IRF8: variants seen among roughly 807,000 people sequenced by gnomAD.
IRF8 encodes interferon consensus sequence binding protein 1.
A neutral mutation model predicts 48.7 loss-of-function variants in IRF8; 14 were observed. The observed-to-expected ratio is 0.29, with a 90% CI of 0.19 to 0.45. The LOEUF is 0.45. IRF8 is among the 20% of genes least tolerant of loss of function. IRF8 has a pLI of 1.00. For missense variants in IRF8, 493 were observed against 580.7 expected, an observed-to-expected ratio of 0.85 and a Z score of 1.55; for synonymous variants, 278 against 227.3, an observed-to-expected ratio of 1.22 and a Z score of -2.01.
intron 1 of IRF8, among the ~76,000 whole-genome samples, chr16:85,899,677 G>T (rs893222633): frequency 1.3e-5 from 2 of 152,304 alleles, no homozygotes; most frequent in East Asian, 1.9e-4. Flanking sequence ...GGGACAGACT[G>T]CTTCTAAAAT....
chr16:85,913,049 C>T, intron 4 of IRF8, 82 bp from the exon 5 acceptor site: 1 of 972,804 alleles, frequency 1.0e-6, no homozygotes. Context: ...TACACATGAA[C>T]TGTTCATTTT....
At chr16:85,903,582 A>T (rs1359859977) in intron 2 of IRF8, 9 of 276,732 alleles carry the variant, frequency 3.3e-5, no homozygotes, top group Non-Finnish European at 5.6e-5. Context: ...TTCAAAGCTG[A>T]TACTTCTGCC....
At chr16:85,902,427 G>A (rs760825681) in intron 1 of IRF8, among the ~76,000 whole-genome samples, 5 of 152,166 alleles carry the variant, frequency 3.3e-5, no homozygotes, top group South Asian at 2.1e-4. Context: ...GAGCGGTGGC[G>A]GGACTTGAAT....
chr16:85,908,063 A>C (rs928222935), intron 2 of IRF8, among the ~76,000 whole-genome samples: 8 of 152,308 alleles, frequency 5.3e-5, no homozygotes, highest in East Asian at 1.9e-4. Flanking sequence ...TTAATCCCAG[A>C]CTGGGTGACC....
Position 85,920,122 on chromosome 16 carries a change from C to G in IRF8, c.1002C>G (p.Phe334Leu). Residue 334 changes from phenylalanine (F) to leucine (L), a missense_variant, in exon 8 of 9, where the codon TTC (phenylalanine) becomes TTG (leucine). Coordinates refer to ENST00000268638, the MANE Select transcript of IRF8 (RefSeq NM_002163.4). ...GTGTCATTCCAGAGCTGCAGCAGTT[C>G]TATAACAGCCAGGGCCGGCTTCCTG... ...TSQFFRELQQ[F>L]YNSQGRLPDG... 6.2e-7 allele frequency: 1 copy of G among 1,612,094 alleles called. No individual in the cohort carries two copies. The highest frequency in any genetic ancestry group is 2.2e-5 in the East Asian group (1 of 44,750).
Position 85,922,525 on chromosome 16 carries a change from A to G in IRF8, c.*1243A>G, listed in dbSNP as rs1905619463. 1 of 152,380 alleles carries G rather than the reference A, an allele frequency of 6.6e-6. No individual in the cohort carries two copies. The highest frequency in any genetic ancestry group is 1.5e-5 in the Non-Finnish European group (1 of 68,042). 9.4% of individuals were successfully genotyped at this position (152,380 alleles called of 1,614,324 possible). ...CAAAGCACATATCTTTAATATGCTG[A>G]ATGAATATTTATTTTTGTATCCATT... On this transcript the variant is annotated 3_prime_UTR_variant, in exon 9 of 9. Coordinates refer to ENST00000268638, the MANE Select transcript of IRF8 (RefSeq NM_002163.4).
chr16:85,908,213 T>G (rs1213474172), intron 2 of IRF8, among the ~76,000 whole-genome samples: 1 of 152,248 alleles, frequency 6.6e-6, no homozygotes, highest in African/African-American at 2.4e-5. Flanking sequence ...TGACTGTGGT[T>G]ACCTCCTAGT....
chr16:85,908,964 T>C, intron 2 of IRF8, 26 bp from the exon 3 acceptor site: 1 of 1,607,084 alleles, frequency 6.2e-7, no homozygotes, highest in Non-Finnish European at 8.5e-7. Context: ...GCCATGAATT[T>C]AATGTGCTTC....
chr16:85,918,381 C>G, intron 6 of IRF8, 36 bp from the exon 7 acceptor site: 1 of 1,588,712 alleles, frequency 6.3e-7, no homozygotes, highest in Non-Finnish European at 8.5e-7. Context: ...TGTATGTCTC[C>G]CCGCAGCACC....
intron 1 of IRF8, among the ~76,000 whole-genome samples, chr16:85,900,618 G>A (rs12447817): frequency 0.067 from 10,152 of 152,278 alleles, 527 homozygotes; most frequent in Non-Finnish European, 0.1. Context: ...TGGCGTTGGG[G>A]CGCCGGCCTG....
chr16:85,899,517 C>G (rs577707345), intron 1 of IRF8, among the ~76,000 whole-genome samples: 1 of 152,266 alleles, frequency 6.6e-6, no homozygotes, highest in South Asian at 2.1e-4. Context: ...GTTAGGAGAG[C>G]TCATATAATG....
At chr16:85,917,159 G>A (rs926394613) in intron 6 of IRF8, among the ~76,000 whole-genome samples, 38 of 152,244 alleles carry the variant, frequency 2.5e-4, no homozygotes, top group African/African-American at 8.7e-4. Context: ...CCCAGATGTG[G>A]TCAGCCTTGC....
chr16:85,911,564 CTG>C lies in IRF8; in HGVS notation c.359-4_359-3del. ...TGTGTCATGGTGTTTGTCTGGTTTT[CTG>C]TAGGCAAACTAGGCGTGGCAACTGC... On this transcript the variant is annotated splice_region_variant and splice_polypyrimidine_tract_variant and intron_variant, in intron 3 of 8. Coordinates refer to ENST00000268638, the MANE Select transcript of IRF8 (RefSeq NM_002163.4). 1 of 1,613,690 alleles carries C rather than the reference CTG, an allele frequency of 6.2e-7. No homozygotes were observed. Among genetic ancestry groups the C allele is most frequent in the South Asian group, 1.1e-5 (1 of 91,050 alleles).
At chr16:85,899,782 A>G (rs1904768230) in intron 1 of IRF8, among the ~76,000 whole-genome samples, 1 of 152,218 alleles carries the variant, frequency 6.6e-6, no homozygotes, top group Admixed American at 6.5e-5. Context: ...GAGTCTGTAT[A>G]TGGGCCACAG....
intron 4 of IRF8, among the ~76,000 whole-genome samples, chr16:85,911,924 G>A (rs1201157061): frequency 6.6e-6 from 1 of 152,228 alleles, no homozygotes. Context: ...TTATGTGTCA[G>A]TGAAGTTCCT....
chr16:85,904,979 T>C (rs886755339), intron 2 of IRF8, among the ~76,000 whole-genome samples: 1 of 152,152 alleles, frequency 6.6e-6, no homozygotes. Flanking sequence ...TGTCTGGGTC[T>C]GGGCAATTCT....
At chr16:85,902,686 A>C (rs1285148866) in intron 1 of IRF8, 2 of 376,404 alleles carry the variant, frequency 5.3e-6, no homozygotes, top group Non-Finnish European at 1.0e-5. Flanking sequence ...CTAAAACTGG[A>C]GCTGTTCACT....
At chr16:85,915,066 C>G (rs954889344) in intron 6 of IRF8, among the ~76,000 whole-genome samples, 2 of 152,238 alleles carry the variant, frequency 1.3e-5, no homozygotes, top group Non-Finnish European at 2.9e-5. Flanking sequence ...TCTCAGGCTC[C>G]CCTGCCCACC....
chr16:85,903,422 C>T (rs370796318), intron 2 of IRF8: 3 of 541,930 alleles, frequency 5.5e-6, no homozygotes, highest in East Asian at 3.3e-5. Flanking sequence ...ATGAGGAGAT[C>T]GAAGGCTCTT....
Sources: allele counts gnomAD v4.1 joint callset (sites outside exome capture counted in the v4.1 genomes callset), GRCh38; gene constraint gnomAD v4.1.1; transcripts MANE v1.5; gene names NCBI Gene and HGNC (gene_info 2026-07-23, HGNC 2026-07-21).